Variants in CDC42EP3 observed in about 807,000 individuals in gnomAD.
CDC42EP3 encodes CDC42 effector protein 3.
In CDC42EP3, 4 loss-of-function variants were observed where a neutral mutation model predicts 15.5. The observed-to-expected ratio is 0.26, with a 90% CI of 0.13 to 0.59. The LOEUF is 0.59. Ranked by LOEUF, CDC42EP3 falls within the 20% of genes least tolerant of loss-of-function variation. The pLI is 0.89. For synonymous variants in CDC42EP3, 145 were observed against 130.3 expected (o/e 1.11, Z -0.77); for missense variants, 309 against 311.2 (o/e 0.99, Z 0.05).
chr2:37,647,223 T>C (rs1558336529), intron 1 of CDC42EP3, among the ~76,000 whole-genome samples: 1 of 152,238 alleles, frequency 6.6e-6, no homozygotes, highest in Non-Finnish European at 1.5e-5. Context: ...TTGAGTTCCA[T>C]ATGTACATAA....
At chr2:37,651,139 AAAAG>A (rs1474190401) in intron 1 of CDC42EP3, among the ~76,000 whole-genome samples, 1 of 152,232 alleles carries the variant, frequency 6.6e-6, no homozygotes, top group Non-Finnish European at 1.5e-5. Context: ...AAAGGAAAAA[AAAAG>A]AGGTGCAAAT....
chr2:37,648,686 T>C (rs962874118), intron 1 of CDC42EP3, among the ~76,000 whole-genome samples: 1 of 152,374 alleles, frequency 6.6e-6, no homozygotes, highest in Middle Eastern at 3.4e-3. Flanking sequence ...TCGTGGGTCC[T>C]GACACTCGTT....
intron 1 of CDC42EP3, among the ~76,000 whole-genome samples, chr2:37,669,675 G>A (rs1176580589): frequency 6.6e-6 from 1 of 152,184 alleles, no homozygotes; most frequent in Non-Finnish European, 1.5e-5. Context: ...AGCAGATGAT[G>A]CCATTGGAAA....
intron 1 of CDC42EP3, among the ~76,000 whole-genome samples, chr2:37,671,131 T>C (rs1294720171): frequency 6.6e-6 from 1 of 152,220 alleles, no homozygotes; most frequent in African/African-American, 2.4e-5. Flanking sequence ...GCGCCCAGAA[T>C]GGCTCTGCCA....
In CDC42EP3 at chr2:37,644,414, C is replaced by T. The variant is rs1462333464; in HGVS notation, c.*1409G>A. 4 of 152,152 alleles carry T rather than the reference C, an allele frequency of 2.6e-5. No individual in the cohort carries two copies. Among genetic ancestry groups the T allele is most frequent in the Non-Finnish European group, 2.9e-5 (2 of 68,042 alleles). 9.4% of individuals were successfully genotyped at this position (152,152 alleles called of 1,614,324 possible). A position where few individuals can be genotyped will look rare whatever the true frequency, so the allele number is the denominator to read the frequency against. ...CTCCTGTTTCCTTAACCACCATCCT[C>T]AGGGCATCTCTGGCACCTTGGGGTC... On this transcript the variant is annotated 3_prime_UTR_variant, in exon 2 of 2. Coordinates refer to ENST00000295324, the MANE Select transcript of CDC42EP3 (RefSeq NM_006449.5).
chr2:37,660,528 C>A (rs923950465), intron 1 of CDC42EP3, among the ~76,000 whole-genome samples: 1 of 152,178 alleles, frequency 6.6e-6, no homozygotes, highest in Non-Finnish European at 1.5e-5. Flanking sequence ...CTTACAGTAG[C>A]CCCTGACCTT....
At chr2:37,657,001 C>CCCCGCCG (rs1208218676) in intron 1 of CDC42EP3, among the ~76,000 whole-genome samples, 1 of 103,212 alleles carries the variant, frequency 9.7e-6, no homozygotes, top group Admixed American at 1.2e-4. Flanking sequence ...CCCCCCGCCC[C>CCCCGCCG]CCGCCATCCT....
intron 1 of CDC42EP3, among the ~76,000 whole-genome samples, chr2:37,652,523 G>C (rs1202832000): frequency 6.6e-6 from 1 of 152,050 alleles, no homozygotes; most frequent in Non-Finnish European, 1.5e-5. Context: ...GCCATCTGAG[G>C]GTGCTGAGCA....
intron 1 of CDC42EP3, among the ~76,000 whole-genome samples, chr2:37,661,150 A>G (rs1156434844): frequency 3.4e-5 from 5 of 148,788 alleles, no homozygotes; most frequent in African/African-American, 7.7e-5. Flanking sequence ...TAGTGTGTGT[A>G]TATATATATA....
At chr2:37,652,239 T>A (rs1297806246) in intron 1 of CDC42EP3, among the ~76,000 whole-genome samples, 1 of 134,182 alleles carries the variant, frequency 7.5e-6, no homozygotes, top group Non-Finnish European at 1.6e-5. Context: ...AGACTGCTGG[T>A]GAATGACCAA....
chr2:37,672,636 G>C (rs1227447878), upstream of CDC42EP3: 1 of 152,242 alleles, frequency 6.6e-6, no homozygotes, highest in Non-Finnish European at 1.5e-5. Context: ...CCTCCTCCGC[G>C]AGTCGTCGGC....
chr2:37,646,452 T>C lies in CDC42EP3; in HGVS notation c.136A>G (p.Lys46Glu), dbSNP rs1242659802. The C allele has an allele frequency of 6.2e-7, 1 of 1,614,086 alleles. No homozygotes were observed. The highest frequency in any genetic ancestry group is 1.3e-5 in the African/African-American group (1 of 74,938). Residue 46 changes from lysine to glutamate, a missense_variant, in exon 2 of 2, where the codon AAA (lysine) becomes GAA (glutamate). Lys to Glu is a moderately conservative substitution (Grantham distance 56). Coordinates refer to ENST00000295324, the MANE Select transcript of CDC42EP3 (RefSeq NM_006449.5). The stretch of plus-strand genomic sequence containing the variant: ...CCAAAGACATCGTGCTGGCCCTCTT[T>C]GCCAATGTGGATGGTGTGGCGAAAG... ...GDFRHTIHIG[K>E]EGQHDVFGDI...
intron 1 of CDC42EP3, among the ~76,000 whole-genome samples, chr2:37,664,949 A>G (rs1321821205): frequency 1.3e-5 from 2 of 152,038 alleles, no homozygotes; most frequent in African/African-American, 4.8e-5. Context: ...CAGAAAGACT[A>G]ATGATCAGGT....
chr2:37,672,821 C>T (rs376481353), upstream of CDC42EP3, among the ~76,000 whole-genome samples: 81 of 152,294 alleles, frequency 5.3e-4, no homozygotes, highest in East Asian at 0.014. Context: ...GGAGAACCTC[C>T]CGGATACCTT....
chr2:37,652,197 A>AAG (rs1665709206), intron 1 of CDC42EP3, among the ~76,000 whole-genome samples: 1 of 150,308 alleles, frequency 6.7e-6, no homozygotes, highest in Non-Finnish European at 1.5e-5. Flanking sequence ...AAAAAAAAAA[A>AAG]AAAAGAAAAT....
intron 1 of CDC42EP3, among the ~76,000 whole-genome samples, chr2:37,657,492 C>T (rs915671651): frequency 6.6e-6 from 1 of 152,090 alleles, no homozygotes; most frequent in Non-Finnish European, 1.5e-5. Flanking sequence ...GTTGGGAAAA[C>T]TCTCCTCCTT....
chr2:37,668,399 T>G (rs1004767432), intron 1 of CDC42EP3, among the ~76,000 whole-genome samples: 1 of 152,258 alleles, frequency 6.6e-6, no homozygotes, highest in Non-Finnish European at 1.5e-5. Flanking sequence ...ATAATCTTTT[T>G]TAACTCCTTT....
At position 37,642,923 on chromosome 2, in the gene CDC42EP3, G is replaced by C. The variant is rs1425493086; in HGVS notation, c.*2900C>G. 3.3e-5 allele frequency: 5 copies of C among 152,206 alleles called. No homozygotes were observed. In the South Asian group the frequency reaches 8.3e-4, roughly 25 times the overall value. 9.4% of individuals were successfully genotyped at this position (152,206 alleles called of 1,614,324 possible). ...GATAATGACTTCATATTTGTGAAGA[G>C]CTAAGTATCCTGATATTTTGATCTT... On this transcript the variant is annotated 3_prime_UTR_variant, in exon 2 of 2. Transcript: ENST00000295324.
intron 1 of CDC42EP3, among the ~76,000 whole-genome samples, chr2:37,650,229 A>G (rs914968168): frequency 2.6e-5 from 4 of 152,210 alleles, no homozygotes; most frequent in African/African-American, 9.6e-5. Context: ...TGATAATCCA[A>G]TGCCCATAAT....
Sources: allele counts gnomAD v4.1 joint callset (sites outside exome capture counted in the v4.1 genomes callset), GRCh38; gene constraint gnomAD v4.1.1; transcripts MANE v1.5; gene names NCBI Gene and HGNC (gene_info 2026-07-23, HGNC 2026-07-21).